The following PDHX variants were observed in gnomAD, a reference collection of about 807,000 sequenced individuals.
The protein encoded by PDHX is pyruvate dehydrogenase complex component X.
In PDHX, 33 loss-of-function variants were observed where a neutral mutation model predicts 55.3. That is an observed-to-expected ratio of 0.60 (90% CI 0.45 to 0.80). The LOEUF is 0.80. Among genes scored for constraint, PDHX ranks in the 30% least tolerant of loss-of-function variants. The pLI, the probability that PDHX is intolerant of heterozygous loss-of-function variation, is 0.00. For synonymous variants in PDHX, 226 were observed against 219.4 expected, an observed-to-expected ratio of 1.03 and a Z score of -0.27; for missense variants, 622 against 619.9, an observed-to-expected ratio of 1.00 and a Z score of -0.04.
intron 3 of PDHX, among the ~76,000 whole-genome samples, chr11:34,952,640 AC>A (rs1470887580): frequency 1.3e-5 from 2 of 151,214 alleles, no homozygotes; most frequent in South Asian, 2.1e-4. Flanking sequence ...AAATTCAACA[AC>A]CCTTCATGCT....
At chr11:34,952,053 A>G (rs898716728) in intron 3 of PDHX, among the ~76,000 whole-genome samples, 4 of 152,228 alleles carry the variant, frequency 2.6e-5, no homozygotes, top group Non-Finnish European at 4.4e-5. Flanking sequence ...ATCAGAGAAT[A>G]CTACAAACAC....
intron 8 of PDHX, among the ~76,000 whole-genome samples, chr11:34,983,539 C>T (rs1237431305): frequency 2.0e-5 from 3 of 151,986 alleles, no homozygotes; most frequent in Admixed American, 2.0e-4. Context: ...TGTCTCAGCC[C>T]AAAATCTCCT....
chr11:34,966,518 A>T, intron 5 of PDHX, 122 bp from the exon 6 acceptor site: 1 of 923,858 alleles, frequency 1.1e-6, no homozygotes, highest in Non-Finnish European at 1.8e-6. Context: ...ACTGGTTTTT[A>T]ATTATAACCT....
chr11:34,982,006 T>C (rs1380177359), intron 8 of PDHX, among the ~76,000 whole-genome samples: 4 of 152,236 alleles, frequency 2.6e-5, no homozygotes, highest in Non-Finnish European at 4.4e-5. Flanking sequence ...TTTAGTTTAA[T>C]GAGATCCCAT....
rs1853920615 is a variant in PDHX at position 34,922,862 on chromosome 11, C to CG, written c.160+6048dup. On this transcript the variant is annotated intron_variant, in intron 1 of 10. Coordinates refer to ENST00000227868, the MANE Select transcript of PDHX (RefSeq NM_003477.3). The stretch of plus-strand genomic sequence containing the variant: ...CAAAATGTGTAAATTCCCAAAGTAT[C>CG]GTTGTGTGTGTGTGTGTGTGTGTGT... 7.7e-5 allele frequency among the ~76,000 whole-genome samples: 8 copies of CG among 104,260 alleles called. No individual in the cohort carries two copies. In the South Asian group the frequency reaches 2.8e-3, roughly 36 times the overall value. The allele number at this position is 104,260 out of a possible 152,430, so 68.4% of individuals were successfully genotyped here.
At chr11:34,967,282 C>A (rs1855158230) in intron 6 of PDHX, among the ~76,000 whole-genome samples, 1 of 152,176 alleles carries the variant, frequency 6.6e-6, no homozygotes, top group Non-Finnish European at 1.5e-5. Context: ...AAGGATAAAA[C>A]ACTCCAAATG....
intron 7 of PDHX, among the ~76,000 whole-genome samples, chr11:34,972,544 C>T (rs1855279950): frequency 1.3e-5 from 2 of 151,978 alleles, no homozygotes; most frequent in South Asian, 4.2e-4. Context: ...ATTACAGGCA[C>T]AAACCACCAT....
At chr11:34,933,489 A>G (rs1854226284) in intron 2 of PDHX, among the ~76,000 whole-genome samples, 1 of 152,228 alleles carries the variant, frequency 6.6e-6, no homozygotes, top group African/African-American at 2.4e-5. Flanking sequence ...TTAAGATAAT[A>G]TCATTGGAAA....
intron 5 of PDHX, among the ~76,000 whole-genome samples, chr11:34,962,940 T>C (rs1275627852): frequency 6.6e-6 from 1 of 152,168 alleles, no homozygotes; most frequent in Admixed American, 6.5e-5. Flanking sequence ...GAGTTAGGCT[T>C]TTAGTATTAT....
intron 2 of PDHX, among the ~76,000 whole-genome samples, chr11:34,944,096 T>C (rs1198670463): frequency 1.3e-5 from 2 of 148,502 alleles, no homozygotes; most frequent in Non-Finnish European, 3.0e-5. Flanking sequence ...TGTGTGTGTA[T>C]ATATATATAA....
At chr11:34,934,787 C>G (rs529715238) in intron 2 of PDHX, among the ~76,000 whole-genome samples, 1 of 151,714 alleles carries the variant, frequency 6.6e-6, no homozygotes, top group Non-Finnish European at 1.5e-5. Flanking sequence ...CTGTGTTGCC[C>G]ACGCTGGTTT....
chr11:34,916,388 C>T, upstream of PDHX: 1 of 1,545,580 alleles, frequency 6.5e-7, no homozygotes, highest in Non-Finnish European at 8.7e-7. Flanking sequence ...TCAGGCGGCG[C>T]TGAGGGCAGC....
At chr11:34,939,453 G>C (rs1854418099) in intron 2 of PDHX, among the ~76,000 whole-genome samples, 1 of 147,464 alleles carries the variant, frequency 6.8e-6, no homozygotes, top group Non-Finnish European at 1.5e-5. Context: ...CTGATTCACA[G>C]CTTCTTTTAC....
chr11:34,930,962 A>T (rs1156334119), intron 1 of PDHX, among the ~76,000 whole-genome samples: 3 of 152,170 alleles, frequency 2.0e-5, no homozygotes, highest in Non-Finnish European at 4.4e-5. Context: ...TCTGTTGTCG[A>T]TCATCAGAAC....
chr11:34,994,825 C>A, intron 10 of PDHX, 89 bp from the exon 11 acceptor site: 1 of 1,419,952 alleles, frequency 7.0e-7, no homozygotes, highest in Non-Finnish European at 9.9e-7. Context: ...TACTACACTG[C>A]CTAGTAAAAT....
At chr11:34,925,291 G>A (rs1853991955) in intron 1 of PDHX, among the ~76,000 whole-genome samples, 1 of 152,080 alleles carries the variant, frequency 6.6e-6, no homozygotes, top group Non-Finnish European at 1.5e-5. Context: ...GTTGAATGAG[G>A]GTAGGGTTGT....
rs1319243948 is a variant in PDHX, at chr11:34,980,348, G to GTTTTTTTTTTTTTTTT, written c.1023+2169_1023+2170insTTTTTTTTTTTTTTTT. Among the ~76,000 whole-genome samples, 81 of 30,464 alleles carry GTTTTTTTTTTTTTTTT rather than the reference G, an allele frequency of 2.7e-3. 2 individuals are homozygous for GTTTTTTTTTTTTTTTT. The highest frequency in any genetic ancestry group is 4.7e-3 in the Non-Finnish European group (63 of 13,414). 20.0% of individuals were successfully genotyped at this position (30,464 alleles called of 152,430 possible). ...ATTTTTTTTAATAAGGTTTAAGATA[G>GTTTTTTTTTTTTTTTT]TTTCTTTTTTTTTTTTTTGAGCAGC... is the stretch of plus-strand genomic sequence containing the variant. On this transcript the variant is annotated intron_variant, in intron 8 of 10. Transcript: ENST00000227868.
chr11:34,993,636 T>C (rs75519038), intron 10 of PDHX, among the ~76,000 whole-genome samples: 2 of 152,168 alleles, frequency 1.3e-5, no homozygotes, highest in Admixed American at 6.6e-5. Context: ...CCTGTTTGTC[T>C]ATCCTTTGTT....
intron 8 of PDHX, among the ~76,000 whole-genome samples, chr11:34,979,120 T>C (rs1028193530): frequency 6.6e-6 from 1 of 152,062 alleles, no homozygotes; most frequent in Non-Finnish European, 1.5e-5. Flanking sequence ...GCTGATGGAT[T>C]GGATATGGGG....
Sources: allele counts gnomAD v4.1 joint callset (sites outside exome capture counted in the v4.1 genomes callset), GRCh38; gene constraint gnomAD v4.1.1; transcripts MANE v1.5; gene names NCBI Gene and HGNC (gene_info 2026-07-23, HGNC 2026-07-21).